Variants in DNAH14 observed in about 807,000 individuals in gnomAD.
DNAH14 encodes the protein dynein axonemal heavy chain 14.
A neutral mutation model predicts 520.9 loss-of-function variants in DNAH14; 478 were observed. The observed-to-expected ratio is 0.92, with a 90% confidence interval of 0.85 to 0.99. The LOEUF is 0.99. Ranked by LOEUF, DNAH14 falls within the 50% of genes least tolerant of loss-of-function variation. The pLI is 0.00. For missense variants in DNAH14, 4,831 were observed against 5,234.5 expected (o/e 0.92, Z 2.38); for synonymous variants, 1,581 against 1,757.2 (o/e 0.90, Z 2.51).
At chr1:225,199,924 G>A (rs971086866) in intron 38 of DNAH14, among the ~76,000 whole-genome samples, 17 of 152,206 alleles carry the variant, frequency 1.1e-4, no homozygotes, top group African/African-American at 4.1e-4. Context: ...AGCACTGTCA[G>A]TGGAGTATTG....
intron 26 of DNAH14, among the ~76,000 whole-genome samples, chr1:225,121,494 T>A (rs2077280527): frequency 6.6e-6 from 1 of 152,180 alleles, no homozygotes; most frequent in South Asian, 2.1e-4. Context: ...ATAAATGAGA[T>A]CATACAATAT....
rs1196151357 is a variant in DNAH14, at chr1:225,080,529, A to G, written c.2917A>G (p.Met973Val). The change falls in exon 19 of 86, where the codon ATG (methionine) becomes GTG (valine). Residue 973 changes from methionine (M) to valine (V), a missense_variant. Coordinates refer to ENST00000682510, the MANE Select transcript of DNAH14 (RefSeq NM_001367479.1). ...QDCFSDSQSH[M>V]HSVNVEEITQ... Reference sequence around the variant, plus strand: ...TTGTTTCAGTGATTCTCAATCTCATATGCATTCTGTTAATGTGGAAGAAAT... The same window carrying G: ...TTGTTTCAGTGATTCTCAATCTCATGTGCATTCTGTTAATGTGGAAGAAAT... The G allele has an allele frequency of 2.6e-6, 4 of 1,551,796 alleles. No homozygotes were observed. The highest frequency in any genetic ancestry group is 3.5e-6 in the Non-Finnish European group (4 of 1,147,032).
chr1:225,193,006 A>G (rs966982163), intron 38 of DNAH14, 95 bp downstream of exon 38: 14 of 928,590 alleles, frequency 1.5e-5, no homozygotes, highest in Non-Finnish European at 1.8e-5. Flanking sequence ...TTAGACATCT[A>G]TTAGTGTAAA....
chr1:225,116,203 A>G (rs1016496646), intron 23 of DNAH14, among the ~76,000 whole-genome samples: 2 of 152,336 alleles, frequency 1.3e-5, no homozygotes, highest in South Asian at 4.1e-4. Context: ...GAGATTCTCC[A>G]GTCAGGCAGA....
Position 225,082,737 on chromosome 1 carries a change from A to G in DNAH14, c.3325A>G (p.Lys1109Glu). 1.3e-6 allele frequency: 2 copies of G among 1,534,358 alleles called. No homozygotes were observed. The highest frequency in any genetic ancestry group is 1.8e-6 in the Non-Finnish European group (2 of 1,142,820). ...NCKVENLLAL[K>E]MFQYENEIND... is the part of the protein sequence containing the mutation. ...TAAAGTAGAGAATCTTCTAGCTCTC[A>G]AGGTAAATAAAAATGGTTTTTTAAA... The change falls in exon 20 of 86, where the codon AAG becomes GAG. Residue 1109 changes from lysine to glutamate, a missense_variant and splice_region_variant. Transcript: ENST00000682510.
chr1:225,146,783 A>AG (rs2079986617), intron 30 of DNAH14, among the ~76,000 whole-genome samples: 1 of 152,234 alleles, frequency 6.6e-6, no homozygotes, highest in African/African-American at 2.4e-5. Flanking sequence ...CAGCTGTGTG[A>AG]GGGAAATGGC....
At position 224,955,078 on chromosome 1, in the gene DNAH14, T is replaced by C. The variant is rs774051636; in HGVS notation, c.197T>C (p.Leu66Ser). The change falls in exon 3 of 86, where the codon TTG (leucine) becomes TCG (serine). Residue 66 changes from leucine (L) to serine (S), a missense_variant. Coordinates refer to ENST00000682510, the MANE Select transcript of DNAH14 (RefSeq NM_001367479.1). ...YKTVRTFSES[L>S]KSEKTEDYLR... ...ACAGTTAGAACATTCTCTGAATCTT[T>C]GAAGTCAGAGAAAACAGAAGGTATT... The C allele has an allele frequency of 8.5e-5, 137 of 1,609,558 alleles. 1 individual carries two copies. Among genetic ancestry groups the C allele is most frequent in the Middle Eastern group, 8.2e-4 (5 of 6,062 alleles).
chr1:225,084,745 G>C (rs1330261339), intron 20 of DNAH14, among the ~76,000 whole-genome samples: 1 of 30,670 alleles, frequency 3.3e-5, no homozygotes, highest in African/African-American at 5.4e-5. Flanking sequence ...TGGAAGATCT[G>C]ACTATTTGTC....
At chr1:225,075,153 T>C (rs1355409764) in intron 17 of DNAH14, among the ~76,000 whole-genome samples, 1 of 152,218 alleles carries the variant, frequency 6.6e-6, no homozygotes. Flanking sequence ...GGGGTTCTCC[T>C]GCCCCAAGGG....
chr1:225,120,310 C>A (rs192159143), intron 26 of DNAH14, among the ~76,000 whole-genome samples: 26 of 152,270 alleles, frequency 1.7e-4, no homozygotes, highest in African/African-American at 6.0e-4. Context: ...GTCAGCTGAT[C>A]CATCAAGTGC....
chr1:225,174,282 A>G (rs553150270), intron 36 of DNAH14, among the ~76,000 whole-genome samples: 171 of 121,304 alleles, frequency 1.4e-3, no homozygotes, highest in African/African-American at 6.5e-3. Context: ...AAAAGTTAAA[A>G]GAAAAACAAT....
At chr1:225,056,155 G>A (rs1322856792) in intron 17 of DNAH14, among the ~76,000 whole-genome samples, 2 of 151,974 alleles carry the variant, frequency 1.3e-5, no homozygotes, top group African/African-American at 4.8e-5. Context: ...CCCACCAACA[G>A]TGTAAAAGTG....
chr1:225,347,390 T>G, intron 71 of DNAH14, among the ~76,000 whole-genome samples: 1 of 152,162 alleles, frequency 6.6e-6, no homozygotes, highest in Non-Finnish European at 1.5e-5. Flanking sequence ...ATTTGACACA[T>G]GCCTATTCAT....
chr1:225,332,219 A>G (rs2094813080), intron 65 of DNAH14, among the ~76,000 whole-genome samples: 1 of 152,192 alleles, frequency 6.6e-6, no homozygotes, highest in African/African-American at 2.4e-5. Flanking sequence ...TCTCAAGATA[A>G]TTATAATTTA....
chr1:225,049,041 T>C (rs2068230890), intron 15 of DNAH14, among the ~76,000 whole-genome samples: 1 of 144,412 alleles, frequency 6.9e-6, no homozygotes, highest in Non-Finnish European at 1.5e-5. Context: ...TTTAGATCTC[T>C]TGCCTATTTT....
intron 79 of DNAH14, among the ~76,000 whole-genome samples, chr1:225,378,488 A>T (rs1375998701): frequency 6.6e-6 from 1 of 152,224 alleles, no homozygotes; most frequent in African/African-American, 2.4e-5. Context: ...CTGGTTTGGA[A>T]GCAGCACTGT....
chr1:225,322,959 A>ACTCCTCTCTTGCCT, intron 62 of DNAH14, 136 bp downstream of exon 62: 1 of 981,016 alleles, frequency 1.0e-6, no homozygotes, highest in Non-Finnish European at 1.4e-6. Flanking sequence ...CTTCCAGGCA[A>ACTCCTCTCTTGCCT]GAGAGGAGTT....
chr1:225,048,170 G>T (rs535990659), intron 15 of DNAH14, among the ~76,000 whole-genome samples: 1 of 152,194 alleles, frequency 6.6e-6, no homozygotes, highest in African/African-American at 2.4e-5. Context: ...TAGCTTTTTG[G>T]ATCTGGCTTC....
At position 224,980,710 on chromosome 1, in the gene DNAH14, G is replaced by A. The variant is rs372071515; in HGVS notation, c.830+6557G>A. Among the ~76,000 whole-genome samples the A allele has an allele frequency of 1.8e-4, 28 of 152,296 alleles. No homozygotes were observed. In the South Asian group the frequency reaches 5.6e-3, roughly 30 times the overall value. On this transcript the variant is annotated intron_variant, in intron 8 of 85. Transcript: ENST00000682510. ...TGTTGGCTTCAGGTTTAACCAGAAGGACACAAGCCTGGCTGGCTTTGCCAA... is the reference window on the plus strand; with the variant it reads ...TGTTGGCTTCAGGTTTAACCAGAAGAACACAAGCCTGGCTGGCTTTGCCAA...
Sources: gnomAD v4.1 joint callset for allele counts (sites outside exome capture counted in the v4.1 genomes callset) on GRCh38, gnomAD v4.1.1 for gene constraint, MANE v1.5 for transcripts, NCBI Gene and HGNC (gene_info 2026-07-23, HGNC 2026-07-21) for gene names.